CHD7: variants seen among roughly 807,000 people sequenced by gnomAD.
CHD7 encodes chromodomain helicase DNA binding protein 7.
A neutral mutation model predicts 307.3 loss-of-function variants in CHD7; 24 were observed. The ratio of observed to expected loss-of-function variants is 0.08; its 90% confidence interval spans 0.06 to 0.11. CHD7 has a LOEUF of 0.11. CHD7 is among the 10% of genes least tolerant of loss of function. The pLI, the probability that CHD7 is intolerant of heterozygous loss-of-function variation, is 1.00. For synonymous variants in CHD7, 1,363 were observed against 1,349.9 expected (o/e 1.01, Z -0.21); for missense variants, 3,106 against 3,727.1 (o/e 0.83, Z 4.34).
chr8:60,823,799 A>G (rs1432329731), intron 12 of CHD7, 41 bp from the exon 13 acceptor site: 1 of 1,504,996 alleles, frequency 6.6e-7, no homozygotes, highest in African/African-American at 1.4e-5. Flanking sequence ...TTATTTATGT[A>G]ACCATTAATG....
intron 24 of CHD7, 133 bp downstream of exon 24, chr8:60,848,737 A>G (rs571950515): frequency 2.6e-5 from 19 of 743,594 alleles, no homozygotes; most frequent in African/African-American, 2.1e-4. Flanking sequence ...TGAATGCAGT[A>G]TTTGTCCTTC....
intron 1 of CHD7, among the ~76,000 whole-genome samples, chr8:60,727,645 C>G (rs542069929): frequency 6.6e-6 from 1 of 152,288 alleles, no homozygotes; most frequent in South Asian, 2.1e-4. Flanking sequence ...CTTCAGGATT[C>G]TGTCCTTGCT....
At chr8:60,775,669 ACT>A (rs994975340) in intron 2 of CHD7, among the ~76,000 whole-genome samples, 4 of 152,142 alleles carry the variant, frequency 2.6e-5, no homozygotes, top group Non-Finnish European at 5.9e-5. Context: ...CCCTTAGGAC[ACT>A]CTCTGTACTG....
intron 1 of CHD7, among the ~76,000 whole-genome samples, chr8:60,733,851 T>G (rs1808578049): frequency 1.3e-5 from 2 of 152,216 alleles, no homozygotes; most frequent in Admixed American, 1.3e-4. Context: ...ACTGAAAGAT[T>G]TCTGCAAGAA....
chr8:60,830,209 A>C, intron 14 of CHD7, 113 bp from the exon 15 acceptor site: 1 of 1,155,206 alleles, frequency 8.7e-7, no homozygotes. Flanking sequence ...CTGGGCTTTG[A>C]AAAATGAAAA....
At chr8:60,828,266 A>G (rs1468371706) in intron 13 of CHD7, among the ~76,000 whole-genome samples, 1 of 152,164 alleles carries the variant, frequency 6.6e-6, no homozygotes, top group Admixed American at 6.5e-5. Context: ...AGATGGAGAG[A>G]TGAGAGCACT....
chr8:60,692,781 C>T (rs1390327640), intron 1 of CHD7, among the ~76,000 whole-genome samples: 1 of 152,176 alleles, frequency 6.6e-6, no homozygotes, highest in African/African-American at 2.4e-5. Flanking sequence ...TTCCATGCTG[C>T]CTCAGTTGCT....
chr8:60,829,137 A>G (rs957076865), intron 14 of CHD7, among the ~76,000 whole-genome samples: 4 of 152,134 alleles, frequency 2.6e-5, no homozygotes, highest in Admixed American at 2.6e-4. Flanking sequence ...GACGCCACTG[A>G]CGTTGGTAGG....
At chr8:60,761,122 G>GAA (rs562329767) in intron 2 of CHD7, among the ~76,000 whole-genome samples, 1,933 of 152,010 alleles carry the variant, frequency 0.013, 45 homozygotes, top group African/African-American at 0.044. Context: ...ATTGGATTAA[G>GAA]AAAATGTGGC....
intron 21 of CHD7, 80 bp downstream of exon 21, chr8:60,842,132 T>C: frequency 8.1e-7 from 1 of 1,229,584 alleles, no homozygotes; most frequent in East Asian, 2.5e-5. Flanking sequence ...AAAACTATAT[T>C]TGTGTTTGAA....
chr8:60,764,742 T>C (rs1810384801), intron 2 of CHD7, among the ~76,000 whole-genome samples: 1 of 152,164 alleles, frequency 6.6e-6, no homozygotes, highest in African/African-American at 2.4e-5. Flanking sequence ...TGTAGTGATG[T>C]AACTGTAACA....
Position 60,742,331 on chromosome 8 carries a change from C to T in CHD7, c.899C>T (p.Pro300Leu). The stretch of plus-strand genomic sequence containing the variant: ...TTTAGTTCTCGGAGCCAGACAGTCC[C>T]CTCTCCTACTATAAACAACTCAGGG... ...LNFSSRSQTV[P>L]SPTINNSGQY... Residue 300 changes from proline to leucine, a missense_variant, in exon 2 of 38, where the codon CCC becomes CTC. Pro to Leu is a moderately conservative substitution (Grantham distance 98). Transcript: ENST00000423902. The T allele has an allele frequency of 6.2e-7, 1 of 1,613,974 alleles. No individual in the cohort carries two copies. Among genetic ancestry groups the T allele is most frequent in the South Asian group, 1.1e-5 (1 of 91,078 alleles).
chr8:60,742,035 GCAGCATGGT>G lies in CHD7; in HGVS notation c.608_616del (p.His203_Gln205del). ...TGGCACGTGGGGATTTTTCCATGCA[GCAGCATGGT>G]CAGCCACAGCAGAGGATGAGCCAGT... On this transcript the variant is annotated inframe_deletion, in exon 2 of 38. Transcript: ENST00000423902. The G allele has an allele frequency of 2.5e-6, 4 of 1,613,788 alleles. No homozygotes were observed. The highest frequency in any genetic ancestry group is 3.4e-6 in the Non-Finnish European group (4 of 1,179,888).
intron 13 of CHD7, among the ~76,000 whole-genome samples, chr8:60,827,371 G>A (rs556732943): frequency 4.6e-4 from 70 of 151,936 alleles, no homozygotes; most frequent in East Asian, 2.7e-3. Context: ...ATTTAATGTC[G>A]TAATAAAGGA....
At chr8:60,689,101 T>TG (rs1806065149) in intron 1 of CHD7, among the ~76,000 whole-genome samples, 1 of 152,196 alleles carries the variant, frequency 6.6e-6, no homozygotes, top group Admixed American at 6.6e-5. Context: ...ATGGAAGAGA[T>TG]GGAGTATAGA....
chr8:60,707,029 C>T (rs1807057915), intron 1 of CHD7, among the ~76,000 whole-genome samples: 1 of 152,152 alleles, frequency 6.6e-6, no homozygotes, highest in African/African-American at 2.4e-5. Context: ...TCCAAGTGTT[C>T]CCATTGTTCA....
intron 34 of CHD7, 90 bp from the exon 35 acceptor site, chr8:60,860,814 T>C: frequency 1.1e-6 from 1 of 910,406 alleles, no homozygotes; most frequent in Non-Finnish European, 1.7e-6. Context: ...TGATAAAAGA[T>C]CCATTCTAGG....
Position 60,742,789 on chromosome 8 carries a change from A to G in CHD7, c.1357A>G (p.Arg453Gly), listed in dbSNP as rs1418145974. 7 of 1,614,052 alleles carry G rather than the reference A, an allele frequency of 4.3e-6. No individual in the cohort carries two copies. The highest frequency in any genetic ancestry group is 5.9e-6 in the Non-Finnish European group (7 of 1,179,900). ...AATCGGACAGAGGAATATGGGCCCCAGAAACATGCAGCAGTCTCGTCCATT... is the reference window on the plus strand; with the variant it reads ...AATCGGACAGAGGAATATGGGCCCCGGAAACATGCAGCAGTCTCGTCCATT... ...MGIGQRNMGP[R>G]NMQQSRPFIG... is the part of the protein sequence containing the mutation. The change falls in exon 2 of 38, where the codon AGA becomes GGA. Residue 453 changes from arginine to glycine, a missense_variant. Coordinates refer to ENST00000423902, the MANE Select transcript of CHD7 (RefSeq NM_017780.4).
rs754202293 is a variant in CHD7, at chr8:60,694,286, C to T, written c.-175+15204C>T. On this transcript the variant is annotated intron_variant, in intron 1 of 37. Transcript: ENST00000423902. ...CTTTAGTCTGTTGCTACTAACTTGT[C>T]GGTATAACTTTAATGTTTGTGAAGG... Among the ~76,000 whole-genome samples, 13 of 152,122 alleles carry T rather than the reference C, an allele frequency of 8.5e-5. 1 individual carries two copies. Among genetic ancestry groups the T allele is most frequent in the Non-Finnish European group, 1.6e-4 (11 of 68,020 alleles).
Sources: allele counts gnomAD v4.1 joint callset (sites outside exome capture counted in the v4.1 genomes callset), GRCh38; gene constraint gnomAD v4.1.1; transcripts MANE v1.5; gene names NCBI Gene and HGNC (gene_info 2026-07-23, HGNC 2026-07-21).